The following SLC2A5 variants were observed in gnomAD, a reference collection of about 807,000 sequenced individuals.
SLC2A5 encodes the protein solute carrier family 2 member 5.
A neutral mutation model predicts 50.3 loss-of-function variants in SLC2A5; 56 were observed. That is an observed-to-expected ratio of 1.11 (90% CI 0.90 to 1.39). The LOEUF (loss-of-function observed/expected upper bound fraction) is 1.39. Ranked by LOEUF, SLC2A5 falls within the 40% of genes most tolerant of loss-of-function variation. The pLI is 0.00. For synonymous variants in SLC2A5, 269 were observed against 281.9 expected, an observed-to-expected ratio of 0.95 and a Z score of 0.46; for missense variants, 566 against 650.1, an observed-to-expected ratio of 0.87 and a Z score of 1.41.
chr1:9,041,493 G>T, intron 5 of SLC2A5: 1 of 1,313,442 alleles, frequency 7.6e-7, no homozygotes, highest in East Asian at 2.9e-5. Context: ...CTATGCCACG[G>T]GCCTCCATAT....
In SLC2A5 at chr1:9,040,182, C is replaced by T. The variant is rs1426274344; in HGVS notation, c.579G>A (p.Pro193=). Residue 193 remains proline (P), a synonymous_variant, in exon 6 of 12, where the codon CCG becomes CCA. Coordinates refer to ENST00000377424, the MANE Select transcript of SLC2A5 (RefSeq NM_003039.3). This position sits in a 1 kb window ranked among gnomAD's most constrained non-coding sequence, Gnocchi z 4.3. ...RNLLANVDGW[P]ILLGLTGVPA... ...GGACCCCGGTCAGCCCCAGCAGGAT[C>T]GGCCAGCCTGGGAGGAAGGCAGCGA... 1.3e-6 allele frequency: 2 copies of T among 1,549,996 alleles called. No individual in the cohort carries two copies. The highest frequency in any genetic ancestry group is 1.2e-5 in the South Asian group (1 of 84,278).
rs182433727 is a variant in SLC2A5 at position 9,059,344 on chromosome 1, T to C, written c.34-1094A>G. ...TTTTTTAGTAGAGACGGGGTTTCAC[T>C]GTGTTAGCCAGGATGGTCTCAATCT... On this transcript the variant is annotated intron_variant, in intron 1 of 11. Transcript: ENST00000377424. 2.9e-3 allele frequency among the ~76,000 whole-genome samples: 444 copies of C among 151,250 alleles called. 5 individuals carry two copies. The highest frequency in any genetic ancestry group is 3.4e-3 in the Middle Eastern group (1 of 294).
At chr1:9,094,084 T>C in the SLC2A5 span, among the ~76,000 whole-genome samples, 1 of 152,278 alleles carries the variant, frequency 6.6e-6, no homozygotes, top group East Asian at 1.9e-4. Context: ...CTGGGGGAAG[T>C]TTCCCTGTAG....
At chr1:9,078,934 C>T (rs1642321732) in intron 2 of SLC2A5, among the ~76,000 whole-genome samples, 1 of 152,160 alleles carries the variant, frequency 6.6e-6, no homozygotes, top group African/African-American at 2.4e-5. Context: ...CCCCACAGTG[C>T]CCTTGCTTTG....
At chr1:9,061,016 G>T (rs543029232) in intron 1 of SLC2A5, among the ~76,000 whole-genome samples, 1 of 152,050 alleles carries the variant, frequency 6.6e-6, no homozygotes, top group East Asian at 1.9e-4. Flanking sequence ...GGGCACGACG[G>T]CTCATGCCTA....
intron 4 of SLC2A5, among the ~76,000 whole-genome samples, chr1:9,046,612 T>G (rs1569853163): frequency 6.6e-6 from 1 of 152,160 alleles, no homozygotes; most frequent in African/African-American, 2.4e-5. Context: ...CTTTTTTGAC[T>G]CTCACCCACA....
At chr1:9,082,792 GA>G (rs1642368229) in intron 2 of SLC2A5, 6 of 429,460 alleles carry the variant, frequency 1.4e-5, no homozygotes, top group Middle Eastern at 6.2e-4. Context: ...TAAATTCCCA[GA>G]AGTCTTTCCT....
intron 2 of SLC2A5, among the ~76,000 whole-genome samples, chr1:9,077,871 C>T (rs1032254280): frequency 6.6e-6 from 1 of 151,708 alleles, no homozygotes; most frequent in African/African-American, 2.4e-5. Context: ...AGAGAAGGTT[C>T]TTGGACTTTG....
upstream of SLC2A5, among the ~76,000 whole-genome samples, chr1:9,073,908 G>A (rs1484259823): frequency 2.0e-5 from 3 of 152,092 alleles, no homozygotes; most frequent in African/African-American, 4.8e-5. Context: ...GGTGAAACCC[G>A]GTCTCTATTA....
chr1:9,055,080 T>A (rs867330186), intron 3 of SLC2A5, among the ~76,000 whole-genome samples: 9 of 152,220 alleles, frequency 5.9e-5, no homozygotes, highest in Admixed American at 1.3e-4. Flanking sequence ...ATATTTTCCC[T>A]AAGTAACAAA....
intron 1 of SLC2A5, among the ~76,000 whole-genome samples, chr1:9,086,351 G>A (rs1387758030): frequency 6.6e-6 from 1 of 151,694 alleles, no homozygotes; most frequent in Non-Finnish European, 1.5e-5. Flanking sequence ...TTAATCTCCC[G>A]GAAAGCTCAG....
chr1:9,040,042 C>G lies in SLC2A5; in HGVS notation c.697+22G>C. 6.3e-7 allele frequency: 1 copy of G among 1,583,168 alleles called. No homozygotes were observed. Among genetic ancestry groups the G allele is most frequent in the African/African-American group, 1.3e-5 (1 of 74,082 alleles). On this transcript the variant is annotated intron_variant, in intron 6 of 11. Coordinates refer to ENST00000377424, the MANE Select transcript of SLC2A5 (RefSeq NM_003039.3). The surrounding 1 kb of genome is among the most constrained non-coding windows in gnomAD (Gnocchi z 4.3). Reference sequence around the variant, plus strand: ...GCTGGGGAGCAGAACCTGGAGGCCGCCCCCGCCAGAGCCCTCGTTACCTTT... The same window carrying G: ...GCTGGGGAGCAGAACCTGGAGGCCGGCCCCGCCAGAGCCCTCGTTACCTTT...
chr1:9,069,334 A>G (rs1238162949), intron 1 of SLC2A5, among the ~76,000 whole-genome samples, 170 bp downstream of exon 1: 2 of 152,174 alleles, frequency 1.3e-5, no homozygotes, highest in Non-Finnish European at 2.9e-5. Context: ...TCTCCTCCCT[A>G]TAAAAGACCA....
chr1:9,061,206 C>T (rs1173718235), intron 1 of SLC2A5, among the ~76,000 whole-genome samples: 8 of 148,280 alleles, frequency 5.4e-5, no homozygotes, highest in Admixed American at 6.9e-5. Flanking sequence ...CACTTGAGCA[C>T]GGGACGCAGA....
Position 9,047,670 on chromosome 1 carries a change from T to C in SLC2A5, c.358A>G (p.Arg120Gly), listed in dbSNP as rs374797166. 94 of 1,613,872 alleles carry C rather than the reference T, an allele frequency of 5.8e-5. No individual in the cohort carries two copies. Among genetic ancestry groups the C allele is most frequent in the Non-Finnish European group, 7.7e-5 (91 of 1,179,730 alleles). The change falls in exon 4 of 12, where the codon AGA becomes GGA. Residue 120 changes from arginine (R) to glycine (G), a missense_variant. By Grantham distance (125) the Arg-to-Gly change is moderately radical. Transcript: ENST00000377424. ...IVPAILMGCS[R>G]VATSFELIII... ...ATAAGCTCAAATGATGTGGCGACTC[T>C]GCTGCATCCCATTAAGATCGCAGGC...
upstream of SLC2A5, among the ~76,000 whole-genome samples, chr1:9,073,919 A>G (rs552341013): frequency 1.3e-5 from 2 of 152,220 alleles, no homozygotes; most frequent in African/African-American, 4.8e-5. Context: ...GTCTCTATTA[A>G]AAATACAAGA....
chr1:9,077,450 C>CAAAA (rs1642298789), intron 2 of SLC2A5, among the ~76,000 whole-genome samples: 1 of 144,270 alleles, frequency 6.9e-6, no homozygotes, highest in African/African-American at 2.6e-5. Flanking sequence ...AAAAAAAACC[C>CAAAA]CCAGAAAAGT....
chr1:9,092,785 G>A (rs529556830), upstream of SLC2A5, among the ~76,000 whole-genome samples: 35 of 151,978 alleles, frequency 2.3e-4, no homozygotes, highest in Non-Finnish European at 4.7e-4. Flanking sequence ...TCAAACACTT[G>A]CAGGAGCCCT....
intron 4 of SLC2A5, among the ~76,000 whole-genome samples, chr1:9,046,859 A>G (rs1166586052): frequency 1.3e-5 from 2 of 151,884 alleles, no homozygotes; most frequent in Non-Finnish European, 2.9e-5. Flanking sequence ...TGTAATCCCC[A>G]TGTGTCAAGG....
Sources: allele counts gnomAD v4.1 joint callset (sites outside exome capture counted in the v4.1 genomes callset), GRCh38; gene constraint gnomAD v4.1.1; non-coding constraint Gnocchi (gnomAD v3.1); transcripts MANE v1.5; gene names NCBI Gene and HGNC (gene_info 2026-07-23, HGNC 2026-07-21).